The following SPAG17 variants were observed in gnomAD, a reference collection of about 807,000 sequenced individuals.
SPAG17 encodes sperm associated antigen 17.
A neutral mutation model predicts 273.6 loss-of-function variants in SPAG17; 169 were observed. That is an observed-to-expected ratio of 0.62 (90% CI 0.55 to 0.70). The LOEUF (loss-of-function observed/expected upper bound fraction) is 0.70. Among genes scored for constraint, SPAG17 ranks in the 30% least tolerant of loss-of-function variants. SPAG17 has a pLI of 0.00. For missense variants in SPAG17, 2,557 were observed against 2,627.8 expected, an observed-to-expected ratio of 0.97 and a Z score of 0.59; for synonymous variants, 825 against 873.2, an observed-to-expected ratio of 0.94 and a Z score of 0.97.
intron 46 of SPAG17, 61 bp from the exon 47 acceptor site, chr1:117,966,814 A>T (rs1653912638): frequency 1.4e-6 from 2 of 1,431,400 alleles, no homozygotes; most frequent in Non-Finnish European, 1.9e-6. Context: ...TGCTTTTAAT[A>T]ATATGAATTT....
At chr1:117,997,764 G>C (rs1304049639) in intron 32 of SPAG17, among the ~76,000 whole-genome samples, 2 of 152,040 alleles carry the variant, frequency 1.3e-5, no homozygotes, top group African/African-American at 4.8e-5. Flanking sequence ...GCATGACTGT[G>C]TTCCAATAAA....
At chr1:118,066,252 G>C (rs146192763) in intron 18 of SPAG17, among the ~76,000 whole-genome samples, 100 of 152,136 alleles carry the variant, frequency 6.6e-4, no homozygotes, top group African/African-American at 2.2e-3. Context: ...AGTTCTAAGA[G>C]AAAAAGGGAA....
intron 17 of SPAG17, 63 bp from the exon 18 acceptor site, chr1:118,066,962 A>G (rs776847343): frequency 4.3e-5 from 63 of 1,474,522 alleles, no homozygotes; most frequent in Non-Finnish European, 5.3e-5. Context: ...AGGGTCTCCT[A>G]CTAGGGCATT....
chr1:118,007,440 G>A (rs1438763109), intron 31 of SPAG17, among the ~76,000 whole-genome samples: 1 of 152,232 alleles, frequency 6.6e-6, no homozygotes, highest in Non-Finnish European at 1.5e-5. Context: ...CTGAAAGCAA[G>A]TCCTTTTAAG....
chr1:117,971,361 A>T (rs988155303), intron 45 of SPAG17, among the ~76,000 whole-genome samples: 6 of 152,248 alleles, frequency 3.9e-5, no homozygotes, highest in Non-Finnish European at 7.3e-5. Context: ...GCTAGCTGAC[A>T]AGATGTTACA....
intron 42 of SPAG17, among the ~76,000 whole-genome samples, chr1:117,983,567 T>C (rs562959501): frequency 6.6e-6 from 1 of 152,248 alleles, no homozygotes; most frequent in Non-Finnish European, 1.5e-5. Context: ...GAACTTTCAT[T>C]ACTTCCTTGC....
At chr1:118,107,874 T>C (rs1305624607) in intron 4 of SPAG17, among the ~76,000 whole-genome samples, 1 of 152,232 alleles carries the variant, frequency 6.6e-6, no homozygotes, top group Non-Finnish European at 1.5e-5. Flanking sequence ...GTTATTGTTC[T>C]CTCTATATAA....
rs199860161 is a variant in SPAG17, at chr1:118,185,060, T to C, written c.87+11A>G. 1.3e-4 allele frequency: 205 copies of C among 1,613,504 alleles called. No homozygotes were observed. Among genetic ancestry groups the C allele is most frequent in the Non-Finnish European group, 1.7e-4 (195 of 1,179,534 alleles). On this transcript the variant is annotated intron_variant, in intron 1 of 48. Transcript: ENST00000336338. ...CGGGGGCAGGGAGGGCTTAAAGGGC[T>C]CAAGGCTCACCTGATTGAACTGTGC...
At chr1:118,047,060 A>G (rs972655098) in intron 20 of SPAG17, among the ~76,000 whole-genome samples, 1 of 152,240 alleles carries the variant, frequency 6.6e-6, no homozygotes, top group African/African-American at 2.4e-5. Context: ...CAAGAAACAC[A>G]CTAAAAATAT....
intron 19 of SPAG17, among the ~76,000 whole-genome samples, chr1:118,054,830 T>C (rs1651478658): frequency 6.6e-6 from 1 of 152,088 alleles, no homozygotes; most frequent in Non-Finnish European, 1.5e-5. Context: ...GGTAAAAGTT[T>C]CATCATTAAC....
chr1:118,154,932 T>A (rs1659573871), intron 1 of SPAG17, among the ~76,000 whole-genome samples: 1 of 151,982 alleles, frequency 6.6e-6, no homozygotes, highest in Non-Finnish European at 1.5e-5. Flanking sequence ...GACTAATAAT[T>A]TCAGAAAAGC....
chr1:118,115,433 C>A lies in SPAG17; in HGVS notation c.324G>T (p.Thr108=). 1 of 1,612,712 alleles carries A rather than the reference C, an allele frequency of 6.2e-7. No homozygotes were observed. Among genetic ancestry groups the A allele is most frequent in the South Asian group, 1.1e-5 (1 of 90,972 alleles). The change falls in exon 4 of 49, where the codon ACG becomes ACT. Residue 108 remains threonine (T), a synonymous_variant. Coordinates refer to ENST00000336338, the MANE Select transcript of SPAG17 (RefSeq NM_206996.4). The part of the protein sequence containing the change: ...GNAPLYYEVL[T]AAKAIMDSGE... ...CACTATCCATAATTGCTTTTGCTGC[C>A]GTTAACACCTATACAGAAACACAAT...
Position 117,970,051 on chromosome 1 carries a change from C to A in SPAG17, c.6387+5G>T, listed in dbSNP as rs1253507357. The stretch of plus-strand genomic sequence containing the variant: ...CACACACAACAGATGACATATAGGA[C>A]TTACAGGTCCAGGTTTGTAAGTCAC... On this transcript the variant is annotated splice_donor_5th_base_variant and intron_variant, in intron 46 of 48. Coordinates refer to ENST00000336338, the MANE Select transcript of SPAG17 (RefSeq NM_206996.4). 2.5e-6 allele frequency: 4 copies of A among 1,613,416 alleles called. No individual in the cohort carries two copies. The highest frequency in any genetic ancestry group is 3.4e-6 in the Non-Finnish European group (4 of 1,179,724).
intron 8 of SPAG17, among the ~76,000 whole-genome samples, chr1:118,092,673 C>T (rs953548791): frequency 2.0e-5 from 3 of 152,184 alleles, no homozygotes; most frequent in Non-Finnish European, 4.4e-5. Flanking sequence ...CTTTGCTCTA[C>T]TCCTGTTTAG....
In SPAG17 at chr1:118,000,329, C is replaced by A. The variant is rs568055509; in HGVS notation, c.4777-3586G>T. ...GGGCTCTTTCTTGGTTCCATATAAA[C>A]TTTAAAGTAGTTTTTTCCAATTCTG... is the stretch of plus-strand genomic sequence containing the variant. On this transcript the variant is annotated intron_variant, in intron 32 of 48. Coordinates refer to ENST00000336338, the MANE Select transcript of SPAG17 (RefSeq NM_206996.4). Among the ~76,000 whole-genome samples the A allele has an allele frequency of 5.3e-5, 8 of 152,218 alleles. No homozygotes were observed. The South Asian group carries it at 1.7e-3, about 32-fold the overall frequency.
chr1:118,049,004 A>G (rs1650691239), intron 20 of SPAG17, among the ~76,000 whole-genome samples: 1 of 152,358 alleles, frequency 6.6e-6, no homozygotes, highest in South Asian at 2.1e-4. Context: ...TCCTAGAAGC[A>G]TACAACTTAC....
rs777672015 is a variant in SPAG17 at position 118,025,314 on chromosome 1, G to T, written c.3833C>A (p.Pro1278His). 20 of 1,613,496 alleles carry T rather than the reference G, an allele frequency of 1.2e-5. No homozygotes were observed. The highest frequency in any genetic ancestry group is 1.5e-5 in the Non-Finnish European group (18 of 1,179,784). ...HYEFYKTVMP[P>H]AEQEASRVIT... ...AACCCTTGAAGCCTCCTGCTCTGCG[G>T]GTGGCATCACCGTTTTATAGAACTC... Residue 1278 changes from proline (P) to histidine (H), a missense_variant, in exon 27 of 49, where the codon CCC becomes CAC. Physicochemically the swap from Pro to His is moderately conservative, Grantham distance 77. Coordinates refer to ENST00000336338, the MANE Select transcript of SPAG17 (RefSeq NM_206996.4).
At chr1:117,975,436 T>C (rs922256756) in intron 43 of SPAG17, among the ~76,000 whole-genome samples, 2 of 152,212 alleles carry the variant, frequency 1.3e-5, no homozygotes, top group African/African-American at 2.4e-5. Flanking sequence ...AATATAGTAG[T>C]AGTGTCTCTG....
intron 41 of SPAG17, among the ~76,000 whole-genome samples, chr1:117,984,397 G>T (rs897654097): frequency 1.6e-4 from 25 of 152,188 alleles, no homozygotes; most frequent in African/African-American, 5.8e-4. Context: ...TGCCTAAAAA[G>T]GCTTAACATA....
Sources: allele counts gnomAD v4.1 joint callset (sites outside exome capture counted in the v4.1 genomes callset), GRCh38; gene constraint gnomAD v4.1.1; transcripts MANE v1.5; gene names NCBI Gene and HGNC (gene_info 2026-07-23, HGNC 2026-07-21).